Variants in EEFSEC observed in about 807,000 individuals in gnomAD.
EEFSEC encodes the protein eukaryotic elongation factor, selenocysteine-tRNA specific.
Under a neutral mutation model 42.1 loss-of-function variants are expected in EEFSEC, and 43 were observed. The observed-to-expected ratio is 1.02, with a 90% CI of 0.80 to 1.32. EEFSEC has a LOEUF of 1.32. EEFSEC is among the 40% of genes most tolerant of loss of function. The probability of loss-of-function intolerance (pLI) is 0.00; values close to 1 mark genes in which losing one functional copy is unlikely to be tolerated. For missense variants in EEFSEC, 745 were observed against 803.6 expected (o/e 0.93, Z 0.88); for synonymous variants, 354 against 339.1 (o/e 1.04, Z -0.48).
intron 6 of EEFSEC, among the ~76,000 whole-genome samples, chr3:128,372,348 C>G (rs57126057): frequency 6.6e-6 from 1 of 152,174 alleles, no homozygotes; most frequent in African/African-American, 2.4e-5. Context: ...GTGTCTGATA[C>G]TCCATGCCCT....
intron 1 of EEFSEC, among the ~76,000 whole-genome samples, chr3:128,215,025 T>C (rs899310517): frequency 6.6e-6 from 1 of 152,146 alleles, no homozygotes; most frequent in Admixed American, 6.5e-5. Context: ...AGTATTTCAT[T>C]ATTGTGGTTG....
intron 6 of EEFSEC, among the ~76,000 whole-genome samples, chr3:128,388,572 T>C (rs1182216798): frequency 6.6e-6 from 1 of 152,240 alleles, no homozygotes; most frequent in African/African-American, 2.4e-5. Context: ...TGCTCTCCAG[T>C]GAGGGACTGG....
At chr3:128,267,107 G>A (rs944464126) in intron 4 of EEFSEC, among the ~76,000 whole-genome samples, 2 of 152,020 alleles carry the variant, frequency 1.3e-5, no homozygotes, top group African/African-American at 2.4e-5. Context: ...CTTTGAATTG[G>A]GGGTACCTGA....
chr3:128,378,281 G>A (rs1300480929), intron 6 of EEFSEC, among the ~76,000 whole-genome samples: 1 of 152,166 alleles, frequency 6.6e-6, no homozygotes, highest in Non-Finnish European at 1.5e-5. Flanking sequence ...CCAGAGCCCA[G>A]ACCCAGGGCC....
chr3:128,290,805 G>A (rs1358407008), intron 4 of EEFSEC, among the ~76,000 whole-genome samples: 1 of 152,118 alleles, frequency 6.6e-6, no homozygotes, highest in Non-Finnish European at 1.5e-5. Flanking sequence ...GAGTGCAATG[G>A]TGCAACCTCG....
At chr3:128,303,445 T>G (rs957746952) in intron 4 of EEFSEC, among the ~76,000 whole-genome samples, 9 of 152,232 alleles carry the variant, frequency 5.9e-5, no homozygotes, top group African/African-American at 2.2e-4. Flanking sequence ...AGTATTTCCT[T>G]GCTACTCCAT....
At chr3:128,329,346 A>G (rs2067099708) in intron 4 of EEFSEC, among the ~76,000 whole-genome samples, 1 of 152,026 alleles carries the variant, frequency 6.6e-6, no homozygotes, top group Non-Finnish European at 1.5e-5. Context: ...TCATCAGTTG[A>G]GTGTGACGGA....
At chr3:128,298,552 T>C (rs1037863185) in intron 4 of EEFSEC, among the ~76,000 whole-genome samples, 1 of 152,236 alleles carries the variant, frequency 6.6e-6, no homozygotes, top group Non-Finnish European at 1.5e-5. Context: ...AATTGGGGTA[T>C]CTATCACCTC....
chr3:128,328,260 G>A (rs2067087040), intron 4 of EEFSEC, among the ~76,000 whole-genome samples: 1 of 152,216 alleles, frequency 6.6e-6, no homozygotes, highest in Admixed American at 6.5e-5. Flanking sequence ...AAGTGGGCCA[G>A]GCCTAAGTGG....
At chr3:128,309,940 G>C (rs867409149) in intron 4 of EEFSEC, among the ~76,000 whole-genome samples, 1 of 152,204 alleles carries the variant, frequency 6.6e-6, no homozygotes, top group Non-Finnish European at 1.5e-5. Flanking sequence ...GCTTTTCCTA[G>C]CATTAACATC....
At chr3:128,173,972 C>T (rs1054536902) in intron 1 of EEFSEC, among the ~76,000 whole-genome samples, 8 of 152,158 alleles carry the variant, frequency 5.3e-5, no homozygotes, top group Admixed American at 3.9e-4. Context: ...CAGCCCTATC[C>T]GCATTCTCGC....
At chr3:128,347,335 A>G (rs938761304) in intron 5 of EEFSEC, among the ~76,000 whole-genome samples, 3 of 152,342 alleles carry the variant, frequency 2.0e-5, no homozygotes, top group Admixed American at 2.0e-4. Context: ...TGGGAGAAGA[A>G]AAGAAGTGAA....
intron 1 of EEFSEC, among the ~76,000 whole-genome samples, chr3:128,167,214 C>A (rs2065250413): frequency 6.6e-6 from 1 of 152,190 alleles, no homozygotes; most frequent in Non-Finnish European, 1.5e-5. Flanking sequence ...CCTACACATT[C>A]CCCTATGATC....
At position 128,341,875 on chromosome 3, in the gene EEFSEC, G is replaced by T; in HGVS notation, c.1429G>T (p.Gly477Cys). The T allele has an allele frequency of 6.2e-7, 1 of 1,613,110 alleles. No individual in the cohort carries two copies. The highest frequency in any genetic ancestry group is 8.5e-7 in the Non-Finnish European group (1 of 1,179,676). The change falls in exon 5 of 7, where the codon GGC (glycine) becomes TGC (cysteine). Residue 477 changes from glycine to cysteine, a missense_variant. Coordinates refer to ENST00000254730, the MANE Select transcript of EEFSEC (RefSeq NM_021937.5). ...LKVYKLKHKH[G>C]LVERAMDDYS... is the part of the protein sequence containing the mutation. ...GGTGTACAAGCTGAAGCACAAGCAT[G>T]GCCTTGTGGAGCGGGTGAGCATGCC...
Position 128,341,494 on chromosome 3 carries a change from T to G in EEFSEC, c.1048T>G (p.Phe350Val). The G allele has an allele frequency of 6.2e-7, 1 of 1,614,136 alleles. No homozygotes were observed. Among genetic ancestry groups the G allele is most frequent in the Admixed American group, 1.7e-5 (1 of 60,026 alleles). Residue 350 changes from phenylalanine (F) to valine (V), a missense_variant, in exon 5 of 7, where the codon TTC becomes GTC. Coordinates refer to ENST00000254730, the MANE Select transcript of EEFSEC (RefSeq NM_021937.5). ...GHETVMGRLM[F>V]FSPAPDNFDQ... is the part of the protein sequence containing the mutation. Reference sequence around the variant, plus strand: ...TGAAACAGTCATGGGCCGGTTGATGTTCTTCAGTCCTGCTCCAGATAACTT... The same window carrying G: ...TGAAACAGTCATGGGCCGGTTGATGGTCTTCAGTCCTGCTCCAGATAACTT...
intron 1 of EEFSEC, among the ~76,000 whole-genome samples, chr3:128,233,536 C>G (rs1045607494): frequency 1.3e-5 from 2 of 152,318 alleles, no homozygotes; most frequent in South Asian, 4.2e-4. Flanking sequence ...ACATCTTTAC[C>G]AGCCCTTGCT....
chr3:128,361,905 G>A (rs944754981), intron 6 of EEFSEC, among the ~76,000 whole-genome samples: 1 of 152,198 alleles, frequency 6.6e-6, no homozygotes, highest in Non-Finnish European at 1.5e-5. Flanking sequence ...CCAAGTCATA[G>A]CATCACTTGT....
chr3:128,298,971 A>T (rs1471495790), intron 4 of EEFSEC, among the ~76,000 whole-genome samples: 1 of 152,190 alleles, frequency 6.6e-6, no homozygotes, highest in Non-Finnish European at 1.5e-5. Flanking sequence ...TTTATCTCTC[A>T]GTGGGTACTT....
intron 4 of EEFSEC, among the ~76,000 whole-genome samples, chr3:128,285,259 G>T (rs563901301): frequency 3.2e-4 from 48 of 152,288 alleles, no homozygotes; most frequent in Non-Finnish European, 4.1e-4. Flanking sequence ...AAAACCATGT[G>T]TGGGGAAGAA....
Sources: allele counts gnomAD v4.1 joint callset (sites outside exome capture counted in the v4.1 genomes callset), GRCh38; gene constraint gnomAD v4.1.1; transcripts MANE v1.5; gene names NCBI Gene and HGNC (gene_info 2026-07-23, HGNC 2026-07-21).